The following AKAP1 variants were observed in gnomAD, a reference collection of about 807,000 sequenced individuals.
AKAP1 encodes the protein A-kinase anchor protein 1, mitochondrial.
Under a neutral mutation model 79.8 loss-of-function variants are expected in AKAP1, and 32 were observed. That is an observed-to-expected ratio of 0.40 (90% CI 0.30 to 0.54). AKAP1 has a LOEUF of 0.54. Among genes scored for constraint, AKAP1 ranks in the 20% least tolerant of loss-of-function variants. The pLI, the probability that AKAP1 is intolerant of heterozygous loss-of-function variation, is 0.47. For synonymous variants in AKAP1, 416 were observed against 466.7 expected (o/e 0.89, Z 1.40); for missense variants, 961 against 1,138.9 (o/e 0.84, Z 2.25).
At chr17:57,098,053 T>A (rs1156248674) in intron 1 of AKAP1, among the ~76,000 whole-genome samples, 2 of 152,172 alleles carry the variant, frequency 1.3e-5, no homozygotes. Context: ...GAGTTGAGAG[T>A]GAGGCCATTA....
At chr17:57,113,241 C>T (rs1205350962) in intron 5 of AKAP1, among the ~76,000 whole-genome samples, 1 of 152,222 alleles carries the variant, frequency 6.6e-6, no homozygotes, top group Non-Finnish European at 1.5e-5. Flanking sequence ...GGCCGTGGCC[C>T]ATATCCTGCC....
At chr17:57,110,665 A>C (rs1021087181) in intron 3 of AKAP1, among the ~76,000 whole-genome samples, 1 of 152,202 alleles carries the variant, frequency 6.6e-6, no homozygotes, top group African/African-American at 2.4e-5. Flanking sequence ...TTTCCTTCTC[A>C]TCTTGCACCC....
intron 1 of AKAP1, chr17:57,092,558 C>T (rs915226953): frequency 6.6e-6 from 1 of 152,220 alleles, no homozygotes; most frequent in Non-Finnish European, 1.5e-5. Context: ...TGTGGTGTGG[C>T]CACAGGGCTT....
intron 9 of AKAP1, 64 bp from the exon 10 acceptor site, chr17:57,118,918 A>C (rs1353242734): frequency 6.5e-7 from 1 of 1,547,754 alleles, no homozygotes; most frequent in African/African-American, 1.4e-5. Flanking sequence ...ATGACAATTC[A>C]AGATGATATT....
At position 57,106,632 on chromosome 17, in the gene AKAP1, G is replaced by A. The variant is rs767034793; in HGVS notation, c.1168G>A (p.Val390Ile). 164 of 1,614,028 alleles carry A rather than the reference G, an allele frequency of 1.0e-4. 1 individual carries two copies. The South Asian group carries it at 1.8e-3, about 17-fold the overall frequency. ...CCAAGGGCAGAAGGAAGAGAGCTGT[G>A]TCCCAGTTCACCAGAAAACTGTCTT... Reference protein sequence around the residue: ...QLQGQKEESCVPVHQKTVLGP... With the variant: ...QLQGQKEESCIPVHQKTVLGP... The change falls in exon 2 of 11, where the codon GTC becomes ATC. Residue 390 changes from valine to isoleucine, a missense_variant. By Grantham distance (29) the Val-to-Ile change is conservative. Coordinates refer to ENST00000337714, the MANE Select transcript of AKAP1 (RefSeq NM_003488.4).
chr17:57,100,486 G>T lies in AKAP1; in HGVS notation c.-24-4955G>T, dbSNP rs560193915. 2.0e-5 allele frequency among the ~76,000 whole-genome samples: 3 copies of T among 149,736 alleles called. No individual in the cohort carries two copies. In the South Asian group the frequency reaches 6.2e-4, roughly 31 times the overall value. On this transcript the variant is annotated intron_variant, in intron 1 of 10. Transcript: ENST00000337714. ...ACAAACATTAGCCAGGCATGGTGCC[G>T]TGTGCCTGTAATCCCAGCTACTTGG...
intron 1 of AKAP1, among the ~76,000 whole-genome samples, chr17:57,099,375 C>G (rs766209368): frequency 4.6e-5 from 7 of 152,198 alleles, no homozygotes; most frequent in Non-Finnish European, 8.8e-5. Flanking sequence ...TCTTGAGCCA[C>G]TCACTGCATA....
chr17:57,113,773 G>A (rs1384068755), intron 5 of AKAP1, among the ~76,000 whole-genome samples: 1 of 151,700 alleles, frequency 6.6e-6, no homozygotes, highest in African/African-American at 2.4e-5. Context: ...CAGCTAATTT[G>A]TATGTTTTTA....
At position 57,108,171 on chromosome 17, in the gene AKAP1, A is replaced by G. The variant is rs1009399600; in HGVS notation, c.1714+993A>G. On this transcript the variant is annotated intron_variant, in intron 2 of 10. Transcript: ENST00000337714. ...GTTTGTCCTGGAGCCATTCCCTCCC[A>G]TTTCAGCTCCGGGTAGGTTGGGAAT... 7.0e-5 allele frequency: 27 copies of G among 385,294 alleles called. No individual in the cohort carries two copies. The Admixed American group carries it at 1.2e-3, about 18-fold the overall frequency. 23.9% of individuals were successfully genotyped at this position (385,294 alleles called of 1,614,324 possible). A position where few individuals can be genotyped will look rare whatever the true frequency, so the allele number is the denominator to read the frequency against.
At chr17:57,113,548 T>C (rs918132194) in intron 5 of AKAP1, among the ~76,000 whole-genome samples, 10 of 151,426 alleles carry the variant, frequency 6.6e-5, no homozygotes, top group African/African-American at 2.4e-4. Flanking sequence ...GCTTTACTCC[T>C]GAATCAAGAG....
chr17:57,104,452 T>C (rs1444604691), intron 1 of AKAP1, among the ~76,000 whole-genome samples: 1 of 152,232 alleles, frequency 6.6e-6, no homozygotes, highest in African/African-American at 2.4e-5. Context: ...TGGAGTTACA[T>C]CCTGGTAGAC....
intron 1 of AKAP1, chr17:57,085,862 C>G (rs1456350680): frequency 1.3e-5 from 2 of 152,914 alleles, no homozygotes; most frequent in Non-Finnish European, 1.5e-5. Context: ...GTTTACTTTT[C>G]AAAGGTCGTG....
At chr17:57,119,550 A>G (rs1267410905) in intron 10 of AKAP1, among the ~76,000 whole-genome samples, 3 of 151,798 alleles carry the variant, frequency 2.0e-5, no homozygotes. Context: ...CCCCATCTCT[A>G]CTAAAAATGC....
At chr17:57,089,019 C>T (rs1284444562) in intron 1 of AKAP1, among the ~76,000 whole-genome samples, 1 of 152,208 alleles carries the variant, frequency 6.6e-6, no homozygotes, top group Non-Finnish European at 1.5e-5. Context: ...AGGCTTGTTT[C>T]ACTGCTGGGC....
chr17:57,097,714 T>A (rs1914209853), intron 1 of AKAP1, among the ~76,000 whole-genome samples: 1 of 152,254 alleles, frequency 6.6e-6, no homozygotes, highest in African/African-American at 2.4e-5. Flanking sequence ...TCCTTCCTAT[T>A]GGTAGAACAC....
Position 57,116,858 on chromosome 17 carries a change from A to G in AKAP1, c.2433-2A>G. The G allele has an allele frequency of 1.2e-6, 2 of 1,614,032 alleles. No individual in the cohort carries two copies. Among genetic ancestry groups the G allele is most frequent in the East Asian group, 4.5e-5 (2 of 44,870 alleles). ...AAACTTGTTCCTTTCTTGCCTTCCC[A>G]GGTCTGACTTTGTCACCCTGCCGTT... On this transcript the variant is annotated splice_acceptor_variant, in intron 7 of 10. Coordinates refer to ENST00000337714, the MANE Select transcript of AKAP1 (RefSeq NM_003488.4). LOFTEE classifies it high-confidence loss of function.
chr17:57,115,621 G>C (rs1915534693), intron 6 of AKAP1, among the ~76,000 whole-genome samples: 1 of 152,176 alleles, frequency 6.6e-6, no homozygotes, highest in Non-Finnish European at 1.5e-5. Flanking sequence ...GCTAGAAGAA[G>C]GGGGTTTAGG....
chr17:57,109,647 G>T (rs1252320449), intron 2 of AKAP1, among the ~76,000 whole-genome samples: 1 of 152,152 alleles, frequency 6.6e-6, no homozygotes, highest in Non-Finnish European at 1.5e-5. Flanking sequence ...TGGTCCATCG[G>T]TCTGGCTCTC....
chr17:57,101,845 T>A (rs957829021), intron 1 of AKAP1: 1 of 152,232 alleles, frequency 6.6e-6, no homozygotes, highest in African/African-American at 2.4e-5. Context: ...AATGGCTTGT[T>A]GTGTGTCCTT....
Sources: gnomAD v4.1 joint callset for allele counts (sites outside exome capture counted in the v4.1 genomes callset) on GRCh38, gnomAD v4.1.1 for gene constraint, MANE v1.5 for transcripts, NCBI Gene and HGNC (gene_info 2026-07-23, HGNC 2026-07-21) for gene names.